Variants in CCSER2 observed in about 807,000 individuals in gnomAD.
CCSER2 encodes coiled-coil serine rich protein 2, also known as serine-rich coiled-coil domain-containing protein 2.
In CCSER2, 46 loss-of-function variants were observed where a neutral mutation model predicts 92.3. The ratio of observed to expected loss-of-function variants is 0.50; its 90% CI spans 0.39 to 0.64. The LOEUF is 0.64. CCSER2 is among the 30% of genes least tolerant of loss of function. The pLI, the probability that CCSER2 is intolerant of heterozygous loss-of-function variation, is 0.00. For missense variants in CCSER2, 1,244 were observed against 1,238.9 expected (o/e 1.00, Z -0.06); for synonymous variants, 433 against 431.4 (o/e 1.00, Z -0.04).
chr10:84,471,114 T>A (rs1341782686), intron 8 of CCSER2, among the ~76,000 whole-genome samples: 1 of 152,046 alleles, frequency 6.6e-6, no homozygotes, highest in Non-Finnish European at 1.5e-5. Context: ...AGAGCACATT[T>A]TGGTCTAACA....
At chr10:84,480,316 C>T (rs1022064760) in intron 9 of CCSER2, among the ~76,000 whole-genome samples, 1 of 152,098 alleles carries the variant, frequency 6.6e-6, no homozygotes, top group Non-Finnish European at 1.5e-5. Context: ...AGCCACCATG[C>T]CTGACCACAT....
intron 6 of CCSER2, among the ~76,000 whole-genome samples, chr10:84,443,822 A>C (rs1844736648): frequency 6.6e-6 from 1 of 152,150 alleles, no homozygotes; most frequent in African/African-American, 2.4e-5. Flanking sequence ...ACAAAAAAGG[A>C]TGAGTTCATG....
intron 9 of CCSER2, among the ~76,000 whole-genome samples, chr10:84,479,930 A>G (rs1437020455): frequency 1.3e-5 from 2 of 152,220 alleles, no homozygotes; most frequent in Non-Finnish European, 2.9e-5. Flanking sequence ...GAGAGATCAC[A>G]ATAAGGACTT....
intron 3 of CCSER2, among the ~76,000 whole-genome samples, chr10:84,396,185 CTGTGTGTGTGTGTGTGTGTGTG>C (rs11467455): frequency 2.1e-5 from 3 of 145,750 alleles, no homozygotes; most frequent in African/African-American, 7.5e-5. Context: ...TTATTCAACA[CTGTGTGTGTGTGTGTGTGTGTG>C]TGTGTGTGTG....
At chr10:84,457,218 C>T (rs10887299) in intron 6 of CCSER2, among the ~76,000 whole-genome samples, 104,402 of 106,350 alleles carry the variant, frequency 0.98, 51,240 homozygotes, top group East Asian at 1. Context: ...ATATATATTA[C>T]ATATTATATA....
chr10:84,476,694 C>T (rs189538903), intron 8 of CCSER2, among the ~76,000 whole-genome samples: 6 of 152,144 alleles, frequency 3.9e-5, no homozygotes, highest in African/African-American at 9.6e-5. Flanking sequence ...CCGCCCGCCT[C>T]GGCCTCCCAA....
At chr10:84,349,641 C>T (rs1465575299) in intron 1 of CCSER2, among the ~76,000 whole-genome samples, 1 of 152,184 alleles carries the variant, frequency 6.6e-6, no homozygotes, top group East Asian at 1.9e-4. Context: ...ATGATCACCC[C>T]ACTGTACTCC....
intron 9 of CCSER2, among the ~76,000 whole-genome samples, chr10:84,481,088 G>A (rs954936269): frequency 6.6e-6 from 1 of 152,044 alleles, no homozygotes; most frequent in African/African-American, 2.4e-5. Context: ...GTGATGTTAG[G>A]TTGTGTGATT....
chr10:84,358,641 TATATGTGTATATATATATACATATAC>T (rs1845321848), intron 1 of CCSER2, among the ~76,000 whole-genome samples: 1 of 148,168 alleles, frequency 6.7e-6, no homozygotes, highest in Non-Finnish European at 1.5e-5. Flanking sequence ...TATATATGTA[TATATGTGTATATATATATACATATAC>T]ATATATGTAT....
intron 7 of CCSER2, among the ~76,000 whole-genome samples, chr10:84,466,757 T>A (rs970413654): frequency 6.6e-6 from 1 of 151,830 alleles, no homozygotes; most frequent in South Asian, 2.1e-4. Context: ...TCGTGATCCG[T>A]CCGCCTCGGC....
At chr10:84,347,700 C>G (rs959269532) in intron 1 of CCSER2, among the ~76,000 whole-genome samples, 3 of 149,550 alleles carry the variant, frequency 2.0e-5, no homozygotes, top group Non-Finnish European at 4.5e-5. Flanking sequence ...ACTTCTCAGA[C>G]GGGGCGGCTG....
intron 9 of CCSER2, among the ~76,000 whole-genome samples, chr10:84,477,926 C>T (rs1847249573): frequency 6.6e-6 from 1 of 152,126 alleles, no homozygotes; most frequent in Non-Finnish European, 1.5e-5. Flanking sequence ...GTCTACTCTC[C>T]TCTTATTGCA....
In CCSER2 at chr10:84,419,364, A is replaced by AAATAAAATAAAAAT. The variant is rs1554844936; in HGVS notation, c.1705+1505_1705+1506insTAAAATAAAAATAA. 4.7e-5 allele frequency among the ~76,000 whole-genome samples: 7 copies of AAATAAAATAAAAAT among 149,986 alleles called. No homozygotes were observed. The East Asian group carries it at 7.8e-4, about 17-fold the overall frequency. ...AAACCAGCTCCCTTCTCAAAAAAAA[A>AAATAAAATAAAAAT]AAAATAAAATAAAGAAAAACACCCA... On this transcript the variant is annotated intron_variant, in intron 4 of 9. Coordinates refer to ENST00000372088, the MANE Select transcript of CCSER2 (RefSeq NM_001284240.2).
chr10:84,418,179 A>T (rs911196686), intron 4 of CCSER2, among the ~76,000 whole-genome samples: 3 of 152,214 alleles, frequency 2.0e-5, no homozygotes, highest in African/African-American at 7.2e-5. Context: ...TTTAGGAAGA[A>T]ATGTATTTAC....
intron 7 of CCSER2, among the ~76,000 whole-genome samples, chr10:84,465,269 GT>G: frequency 7.2e-6 from 1 of 139,586 alleles, no homozygotes; most frequent in South Asian, 2.3e-4. Flanking sequence ...GTGTGTGTGT[GT>G]GTGTGTGTGT....
intron 3 of CCSER2, among the ~76,000 whole-genome samples, chr10:84,417,505 C>A (rs2133389425): frequency 6.6e-6 from 1 of 152,250 alleles, no homozygotes; most frequent in Admixed American, 6.5e-5. Context: ...ATGTTAAAAA[C>A]ATGGACTTAA....
At chr10:84,465,787 G>C (rs966600965) in intron 7 of CCSER2, among the ~76,000 whole-genome samples, 1 of 150,800 alleles carries the variant, frequency 6.6e-6, no homozygotes, top group African/African-American at 2.4e-5. Context: ...GTCTTGCTCT[G>C]TTGCCTAGGC....
At chr10:84,414,560 T>G (rs926455251) in intron 3 of CCSER2, among the ~76,000 whole-genome samples, 1 of 152,170 alleles carries the variant, frequency 6.6e-6, no homozygotes, top group Admixed American at 6.5e-5. Context: ...ACCTGGTCTT[T>G]GTCTCTGGCT....
chr10:84,420,795 T>C (rs1843105467), intron 4 of CCSER2, among the ~76,000 whole-genome samples: 1 of 151,726 alleles, frequency 6.6e-6, no homozygotes, highest in African/African-American at 2.4e-5. Flanking sequence ...TAGCCGGGCG[T>C]GGAGGCACGT....
Sources: gnomAD v4.1 joint callset for allele counts (sites outside exome capture counted in the v4.1 genomes callset) on GRCh38, gnomAD v4.1.1 for gene constraint, MANE v1.5 for transcripts, NCBI Gene and HGNC (gene_info 2026-07-23, HGNC 2026-07-21) for gene names.